Variants in NXPH2 observed in about 807,000 individuals in gnomAD.
NXPH2 encodes the protein neurexophilin 2, also known as neurexophilin-2.
NXPH2 carries 5 observed loss-of-function variants against 19.8 expected under a neutral mutation model. The ratio of observed to expected loss-of-function variants is 0.25; its 90% CI spans 0.13 to 0.53. NXPH2 has a LOEUF of 0.53. NXPH2 is among the 20% of genes least tolerant of loss of function. The pLI is 0.96. For synonymous variants in NXPH2, 154 were observed against 127.4 expected (o/e 1.21, Z -1.41); for missense variants, 289 against 322.8 (o/e 0.90, Z 0.80).
chr2:138,692,112 C>T (rs1027875607), intron 1 of NXPH2, among the ~76,000 whole-genome samples: 2 of 152,154 alleles, frequency 1.3e-5, no homozygotes, highest in African/African-American at 2.4e-5. Context: ...GAATGACCTG[C>T]AGAATTAGCC....
intron 1 of NXPH2, among the ~76,000 whole-genome samples, chr2:138,759,189 T>C (rs1046238693): frequency 6.6e-6 from 1 of 152,232 alleles, no homozygotes; most frequent in Admixed American, 6.5e-5. Flanking sequence ...GGTGTTTTTA[T>C]TAAGGTGGCA....
intron 1 of NXPH2, among the ~76,000 whole-genome samples, chr2:138,753,633 T>C (rs1681859094): frequency 6.6e-6 from 1 of 152,130 alleles, no homozygotes; most frequent in Admixed American, 6.6e-5. Context: ...TGTGCAACCA[T>C]GTGTATCTGC....
chr2:138,677,552 A>G lies in NXPH2; in HGVS notation c.52-5887T>C, dbSNP rs144018135. On this transcript the variant is annotated intron_variant, in intron 1 of 1. Transcript: ENST00000272641. The stretch of plus-strand genomic sequence containing the variant: ...GAAGGGAGTAGAAGAATAAGACTGT[A>G]TTTCATTTTGGTTCTTTTGTTTTTA... Among the ~76,000 whole-genome samples, 19 of 152,302 alleles carry G rather than the reference A, an allele frequency of 1.2e-4. No homozygotes were observed. The East Asian group carries it at 3.3e-3, about 26-fold the overall frequency.
chr2:138,768,409 G>A (rs1400182725), intron 1 of NXPH2, among the ~76,000 whole-genome samples: 1 of 152,168 alleles, frequency 6.6e-6, no homozygotes, highest in East Asian at 1.9e-4. Flanking sequence ...AATATCTATT[G>A]TGGATTCCCT....
intron 1 of NXPH2, among the ~76,000 whole-genome samples, chr2:138,686,516 C>A (rs1318887361): frequency 2.6e-5 from 4 of 151,776 alleles, no homozygotes; most frequent in Admixed American, 1.3e-4. Context: ...ATGATTGATG[C>A]ACAAAAAGTT....
intron 1 of NXPH2, among the ~76,000 whole-genome samples, chr2:138,748,505 T>C (rs1012034403): frequency 6.6e-5 from 10 of 152,234 alleles, no homozygotes; most frequent in Admixed American, 1.3e-4. Context: ...GCAAAAAATG[T>C]GGTAGTGCCT....
chr2:138,674,454 A>AT lies in NXPH2; in HGVS notation c.52-2790dup, dbSNP rs147478544. On this transcript the variant is annotated intron_variant, in intron 1 of 1. Transcript: ENST00000272641. ...CAGGTGTGAGCCACTGCTCGGCTTA[A>AT]TTTTTTATTTTTATACAGATGAGGT... 9.0e-3 allele frequency among the ~76,000 whole-genome samples: 1,373 copies of AT among 151,822 alleles called. 19 individuals are homozygous for AT. The highest frequency in any genetic ancestry group is 0.032 in the African/African-American group (1,325 of 41,420).
At chr2:138,730,071 C>T (rs1326537944) in intron 1 of NXPH2, among the ~76,000 whole-genome samples, 1 of 152,164 alleles carries the variant, frequency 6.6e-6, no homozygotes, top group Non-Finnish European at 1.5e-5. Flanking sequence ...TCATTATGGT[C>T]ATCCCTTGGT....
chr2:138,758,265 T>C (rs1213628969), intron 1 of NXPH2, among the ~76,000 whole-genome samples: 1 of 152,122 alleles, frequency 6.6e-6, no homozygotes, highest in East Asian at 1.9e-4. Flanking sequence ...TATTAAATAG[T>C]ATTACTGAGG....
chr2:138,714,964 C>T (rs13000538), intron 1 of NXPH2, among the ~76,000 whole-genome samples: 37,237 of 152,050 alleles, frequency 0.24, 5,263 homozygotes, highest in East Asian at 0.53. Flanking sequence ...GACACATTAC[C>T]GTAAATTTCC....
chr2:138,778,198 G>A (rs1682295490), intron 1 of NXPH2, among the ~76,000 whole-genome samples: 1 of 152,178 alleles, frequency 6.6e-6, no homozygotes, highest in Admixed American at 6.5e-5. Context: ...GCCTTTTATT[G>A]TCCGAAGGGA....
At chr2:138,690,458 A>C (rs1680730101) in intron 1 of NXPH2, among the ~76,000 whole-genome samples, 1 of 152,098 alleles carries the variant, frequency 6.6e-6, no homozygotes, top group Admixed American at 6.6e-5. Flanking sequence ...GGATAATAGA[A>C]TTCAGACTCA....
At chr2:138,684,951 T>C (rs4954946) in intron 1 of NXPH2, among the ~76,000 whole-genome samples, 114,689 of 152,140 alleles carry the variant, frequency 0.75, 43,918 homozygotes, top group African/African-American at 0.83. Context: ...ACAAGAGGGC[T>C]TTCCACACAT....
chr2:138,772,864 T>C (rs1682201093), intron 1 of NXPH2, among the ~76,000 whole-genome samples: 1 of 152,238 alleles, frequency 6.6e-6, no homozygotes, highest in African/African-American at 2.4e-5. Flanking sequence ...ACAGTCTGTC[T>C]CTGAAACCTG....
intron 1 of NXPH2, among the ~76,000 whole-genome samples, chr2:138,687,478 A>C (rs976255769): frequency 4.6e-5 from 7 of 151,962 alleles, no homozygotes; most frequent in Admixed American, 6.6e-5. Flanking sequence ...AGATTGCAAA[A>C]ATTTTCTCCC....
intron 1 of NXPH2, among the ~76,000 whole-genome samples, chr2:138,720,693 C>T (rs1220559455): frequency 2.0e-5 from 3 of 152,178 alleles, no homozygotes; most frequent in African/African-American, 4.8e-5. Context: ...TGGCTCCACA[C>T]GCACTGGCGC....
At chr2:138,771,379 T>C (rs1269077588) in intron 1 of NXPH2, among the ~76,000 whole-genome samples, 1 of 151,872 alleles carries the variant, frequency 6.6e-6, no homozygotes, top group Non-Finnish European at 1.5e-5. Context: ...TGGAAAGACA[T>C]ACGTTAAACT....
chr2:138,753,711 C>T lies in NXPH2; in HGVS notation c.51+26480G>A, dbSNP rs115895803. On this transcript the variant is annotated intron_variant, in intron 1 of 1. Coordinates refer to ENST00000272641, the MANE Select transcript of NXPH2 (RefSeq NM_007226.3). ...TTCATCACCAAATAGATCACTGTAG[C>T]CTCCTCCCCTTGATATCTGTAAATT... Among the ~76,000 whole-genome samples, 286 of 152,210 alleles carry T rather than the reference C, an allele frequency of 1.9e-3. 3 individuals are homozygous for T. Among genetic ancestry groups the T allele is most frequent in the African/African-American group, 6.5e-3 (269 of 41,514 alleles).
rs1272061770 is a variant in NXPH2 at position 138,691,245 on chromosome 2, CT to C, written c.52-19581del. ...ATGATTCTATTCCAACTGCAAAATT[CT>C]TCAACTTACAAAATTGAGGCCCTTA... On this transcript the variant is annotated intron_variant, in intron 1 of 1. Transcript: ENST00000272641. Among the ~76,000 whole-genome samples the C allele has an allele frequency of 2.0e-5, 3 of 152,136 alleles. No homozygotes were observed. In the East Asian group the frequency reaches 5.8e-4, roughly 29 times the overall value.
Sources: allele counts gnomAD v4.1 joint callset (sites outside exome capture counted in the v4.1 genomes callset), GRCh38; gene constraint gnomAD v4.1.1; transcripts MANE v1.5; gene names NCBI Gene and HGNC (gene_info 2026-07-23, HGNC 2026-07-21).